Variants in ING5 observed in about 807,000 individuals in gnomAD.
ING5 encodes the protein inhibitor of growth protein 5.
ING5 carries 17 observed loss-of-function variants against 37.4 expected under a neutral mutation model. That is an observed-to-expected ratio of 0.45 (90% CI 0.31 to 0.68). The LOEUF is 0.68. Ranked by LOEUF, ING5 falls within the 30% of genes least tolerant of loss-of-function variation. ING5 has a pLI of 0.05. For missense variants in ING5, 233 were observed against 311.9 expected (o/e 0.75, Z 1.91); for synonymous variants, 123 against 116.6 (o/e 1.06, Z -0.36).
intron 5 of ING5, among the ~76,000 whole-genome samples, chr2:241,714,270 G>A (rs994580362): frequency 2.0e-5 from 3 of 152,084 alleles, no homozygotes; most frequent in Non-Finnish European, 4.4e-5. Flanking sequence ...ATACATTATA[G>A]TTTAGTCCTG....
At chr2:241,695,165 AC>A (rs2069613957) in intron 2 of ING5, among the ~76,000 whole-genome samples, 1 of 151,650 alleles carries the variant, frequency 6.6e-6, no homozygotes, top group Admixed American at 6.6e-5. Flanking sequence ...TCTTAGGGCT[AC>A]CAAAGTGAGG....
intron 2 of ING5, chr2:241,694,112 TA>T (rs1334416609): frequency 6.6e-6 from 1 of 151,568 alleles, no homozygotes; most frequent in East Asian, 1.9e-4. Flanking sequence ...TTTTTTTTTT[TA>T]GACAAAATAC....
rs532972879 is a variant in ING5 at position 241,710,448 on chromosome 2, G to A, written c.277-929G>A. On this transcript the variant is annotated intron_variant, in intron 3 of 7. Coordinates refer to ENST00000313552, the MANE Select transcript of ING5 (RefSeq NM_032329.6). ...CTCCTAAGTAGCTGGGATTACAGGT[G>A]TGCACCACTACCAACAGGCTAATTT... Among the ~76,000 whole-genome samples, 7 of 150,794 alleles carry A rather than the reference G, an allele frequency of 4.6e-5. No homozygotes were observed. In the East Asian group the frequency reaches 7.8e-4, roughly 17 times the overall value.
At chr2:241,720,468 C>T (rs897475899) in intron 5 of ING5, 16 of 1,022,490 alleles carry the variant, frequency 1.6e-5, no homozygotes, top group South Asian at 9.3e-5. Flanking sequence ...CTCCGTGTCT[C>T]GTCTGAGATC....
At chr2:241,709,165 C>T in intron 2 of ING5, 51 bp from the exon 3 acceptor site, 1 of 1,548,952 alleles carries the variant, frequency 6.5e-7, no homozygotes, top group South Asian at 1.2e-5. Context: ...GTCTGGTGAG[C>T]ACATCATGGT....
intron 2 of ING5, among the ~76,000 whole-genome samples, chr2:241,695,371 T>C (rs2069616148): frequency 6.6e-6 from 1 of 150,704 alleles, no homozygotes; most frequent in South Asian, 2.1e-4. Flanking sequence ...GCTGCTGAAA[T>C]TCCTGGCACG....
In ING5 at chr2:241,707,072, G is replaced by C. The variant is rs181238361; in HGVS notation, c.110-2144G>C. Among the ~76,000 whole-genome samples the C allele has an allele frequency of 6.5e-3, 975 of 149,612 alleles. 9 individuals are homozygous for C. The highest frequency in any genetic ancestry group is 0.023 in the African/African-American group (935 of 40,624). The stretch of plus-strand genomic sequence containing the variant: ...CCTCCCAGGTTCAAGTGATTCTCCT[G>C]CCTCAGCCTCCCGAGTAGCTGGGAT... On this transcript the variant is annotated intron_variant, in intron 2 of 7. Transcript: ENST00000313552.
chr2:241,693,783 G>T (rs188985991), intron 2 of ING5, among the ~76,000 whole-genome samples: 1 of 145,010 alleles, frequency 6.9e-6, no homozygotes, highest in Non-Finnish European at 1.5e-5. Flanking sequence ...TCAGCCTCCC[G>T]AGTAGCTGGG....
chr2:241,687,893 C>T (rs2069472847), exon 1 of ING5: 2 of 152,356 alleles, frequency 1.3e-5, no homozygotes, highest in Middle Eastern at 3.4e-3. Context: ...GTTGTTTCCT[C>T]TTTCCATGCC....
Position 241,709,550 on chromosome 2 carries a change from TC to T in ING5, c.276+171del, listed in dbSNP as rs1372289200. On this transcript the variant is annotated intron_variant, in intron 3 of 7. Transcript: ENST00000313552. ...ACGGAATACACTTCATGTAGGACCA[TC>T]CCTGTTTTTTTTTTTTTTTTTTCTG... 5.1e-5 allele frequency among the ~76,000 whole-genome samples: 6 copies of T among 117,268 alleles called. No homozygotes were observed. In the South Asian group the frequency reaches 1.8e-3, roughly 35 times the overall value. The allele number at this position is 117,268 out of a possible 152,430, so 76.9% of individuals were successfully genotyped here.
chr2:241,725,269 C>A lies in ING5; in HGVS notation c.*238C>A. On this transcript the variant is annotated 3_prime_UTR_variant, in exon 8 of 8. Coordinates refer to ENST00000313552, the MANE Select transcript of ING5 (RefSeq NM_032329.6). ...TGGCTTTTACAGGACTCCCCCCGAG[C>A]ATCAGCAGGGACCCCGGCGGACGTG... 1 of 547,326 alleles carries A rather than the reference C, an allele frequency of 1.8e-6. No individual in the cohort carries two copies. The highest frequency in any genetic ancestry group is 3.1e-5 in the Admixed American group (1 of 32,152). The allele number at this position is 547,326 out of a possible 1,614,324, so 33.9% of individuals were successfully genotyped here.
At chr2:241,720,346 T>C in intron 5 of ING5, 1 of 1,208,890 alleles carries the variant, frequency 8.3e-7, no homozygotes, top group Non-Finnish European at 1.0e-6. Flanking sequence ...TGTTCCCTGC[T>C]GGGGACCCAG....
At chr2:241,699,183 G>A (rs1378803810), upstream of ING5, among the ~76,000 whole-genome samples, 2 of 150,070 alleles carry the variant, frequency 1.3e-5, no homozygotes, top group South Asian at 2.1e-4. Flanking sequence ...TGCCCACCAC[G>A]CCTGGCTAAT....
chr2:241,702,725 G>C (rs947179078), intron 1 of ING5, among the ~76,000 whole-genome samples: 13 of 152,248 alleles, frequency 8.5e-5, no homozygotes, highest in African/African-American at 2.9e-4. Context: ...GCAGGTCGGC[G>C]CCCCCAGCGG....
At chr2:241,695,944 T>G (rs899873389) in intron 2 of ING5, among the ~76,000 whole-genome samples, 5 of 152,226 alleles carry the variant, frequency 3.3e-5, no homozygotes, top group Admixed American at 2.0e-4. Flanking sequence ...GCTAAAAATG[T>G]AAGACAGGCT....
intron 2 of ING5, among the ~76,000 whole-genome samples, chr2:241,693,001 C>G (rs2069576678): frequency 6.6e-6 from 1 of 152,114 alleles, no homozygotes; most frequent in Non-Finnish European, 1.5e-5. Flanking sequence ...TGGCTCACGC[C>G]TGTAATCTCA....
At chr2:241,722,834 T>C in intron 5 of ING5, 105 bp from the exon 6 acceptor site, 2 of 1,555,884 alleles carry the variant, frequency 1.3e-6, no homozygotes, top group South Asian at 1.2e-5. Context: ...CTTCACAGTT[T>C]TGGGGTGAGG....
At chr2:241,705,204 A>G (rs1454000291) in intron 2 of ING5, among the ~76,000 whole-genome samples, 1 of 151,702 alleles carries the variant, frequency 6.6e-6, no homozygotes, top group Non-Finnish European at 1.5e-5. Context: ...CCTCCTGAGT[A>G]GCTGGGACTA....
chr2:241,711,809 G>A (rs2070120472), intron 4 of ING5, among the ~76,000 whole-genome samples, 169 bp from the exon 5 acceptor site: 1 of 152,192 alleles, frequency 6.6e-6, no homozygotes, highest in African/African-American at 2.4e-5. Context: ...GCTGAGGTGG[G>A]TGGATTGCTT....
Sources: allele counts gnomAD v4.1 joint callset (sites outside exome capture counted in the v4.1 genomes callset), GRCh38; gene constraint gnomAD v4.1.1; transcripts MANE v1.5; gene names NCBI Gene and HGNC (gene_info 2026-07-23, HGNC 2026-07-21).